Variants in OR7C1 observed in about 807,000 individuals in gnomAD.
OR7C1 encodes olfactory receptor 7C1.
For synonymous variants in OR7C1, 152 were observed against 160.7 expected (o/e 0.95, Z 0.41); for missense variants, 324 against 383.3 (o/e 0.85, Z 1.29).
chr19:14,819,793 T>A (rs1192307246), intron 1 of OR7C1, among the ~76,000 whole-genome samples: 1 of 152,266 alleles, frequency 6.6e-6, no homozygotes, highest in Non-Finnish European at 1.5e-5. Context: ...AGTATATTTT[T>A]ATATTCTTTC....
chr19:14,830,973 A>G (rs550594264), intron 1 of OR7C1, among the ~76,000 whole-genome samples: 1 of 152,292 alleles, frequency 6.6e-6, no homozygotes, highest in Admixed American at 6.5e-5. Flanking sequence ...TCGCAGCACA[A>G]GCACTATCCT....
intron 1 of OR7C1, among the ~76,000 whole-genome samples, chr19:14,818,250 G>T (rs898293419): frequency 6.6e-6 from 1 of 151,756 alleles, no homozygotes; most frequent in South Asian, 2.1e-4. Context: ...CCGCCACTAC[G>T]CCCGGCTAAT....
chr19:14,810,567 A>G (rs1427943541), intron 1 of OR7C1, among the ~76,000 whole-genome samples: 1 of 137,928 alleles, frequency 7.3e-6, no homozygotes, highest in East Asian at 2.1e-4. Flanking sequence ...TTTTTTTTAT[A>G]GTGGAGATAG....
chr19:14,817,922 G>T (rs1599919419), intron 1 of OR7C1, among the ~76,000 whole-genome samples: 1 of 152,090 alleles, frequency 6.6e-6, no homozygotes, highest in East Asian at 1.9e-4. Context: ...AGGATATGCA[G>T]CAAAGTGAGG....
rs561441007 is a variant in OR7C1, at chr19:14,808,277, C to A, written c.-435+1529G>T. Among the ~76,000 whole-genome samples the A allele has an allele frequency of 4.0e-5, 6 of 151,824 alleles. No individual in the cohort carries two copies. The East Asian group carries it at 9.7e-4, about 24-fold the overall frequency. ...AGCAATCCCACTAGTGGGTATATACCCCAAAGAAAAGAAATCATTACACAA... is the reference window on the plus strand; with the variant it reads ...AGCAATCCCACTAGTGGGTATATACACCAAAGAAAAGAAATCATTACACAA... On this transcript the variant is annotated intron_variant, in intron 2 of 4. Transcript: ENST00000641666.
intron 2 of OR7C1, among the ~76,000 whole-genome samples, chr19:14,808,914 G>C (rs1437234530): frequency 6.6e-6 from 1 of 151,958 alleles, no homozygotes; most frequent in East Asian, 1.9e-4. Context: ...GATTACTTCT[G>C]TAATTATGCA....
chr19:14,813,999 A>G (rs542623476), intron 1 of OR7C1, among the ~76,000 whole-genome samples: 1 of 152,220 alleles, frequency 6.6e-6, no homozygotes, highest in Admixed American at 6.5e-5. Flanking sequence ...ATTGGATCCT[A>G]TTTCACACCA....
chr19:14,818,850 T>A (rs1351557174), intron 1 of OR7C1, among the ~76,000 whole-genome samples: 1 of 152,234 alleles, frequency 6.6e-6, no homozygotes, highest in Non-Finnish European at 1.5e-5. Context: ...GCTTTCTACA[T>A]ATTTCATCGC....
intron 1 of OR7C1, chr19:14,824,742 A>T (rs527779590): frequency 6.6e-6 from 1 of 152,220 alleles, no homozygotes; most frequent in Non-Finnish European, 1.5e-5. Context: ...TATATACTCA[A>T]TAATGGGATT....
At chr19:14,819,944 T>C (rs888533591) in intron 1 of OR7C1, among the ~76,000 whole-genome samples, 6 of 152,264 alleles carry the variant, frequency 3.9e-5, no homozygotes, top group African/African-American at 1.4e-4. Context: ...TCTCGCTCTG[T>C]CACCCAGCCT....
intron 2 of OR7C1, among the ~76,000 whole-genome samples, chr19:14,806,773 C>T (rs1480163838): frequency 6.6e-6 from 1 of 151,924 alleles, no homozygotes. Flanking sequence ...TTTTGTTTAT[C>T]CAGTCTATCA....
intron 1 of OR7C1, among the ~76,000 whole-genome samples, chr19:14,820,907 C>T (rs2044738073): frequency 6.6e-6 from 1 of 152,130 alleles, no homozygotes; most frequent in Admixed American, 6.6e-5. Flanking sequence ...AAGAACAGAT[C>T]CCACAAGGAA....
Position 14,834,804 on chromosome 19 carries a change from A to C in OR7C1, c.-623+270T>G, listed in dbSNP as rs2044869020. On this transcript the variant is annotated intron_variant, in intron 1 of 4. Coordinates refer to ENST00000641666, the Ensembl canonical transcript of OR7C1. ...TGTACTTTTACAAAAATCATTTTAC[A>C]CCTCCTATTCCTTCTAATTGGGCTT... Among the ~76,000 whole-genome samples, 4 of 152,246 alleles carry C rather than the reference A, an allele frequency of 2.6e-5. No individual in the cohort carries two copies. In the South Asian group the frequency reaches 8.3e-4, roughly 32 times the overall value.
At chr19:14,800,172 A>C in intron 4 of OR7C1, 23 bp from the exon 5 acceptor site, 1 of 1,511,148 alleles carries the variant, frequency 6.6e-7, no homozygotes, top group Non-Finnish European at 8.8e-7. Context: ...AGAAAAAAGC[A>C]ACAGTCAATT....
chr19:14,800,176 G>C (rs1342285669), intron 4 of OR7C1, 27 bp from the exon 5 acceptor site: 1 of 1,509,664 alleles, frequency 6.6e-7, no homozygotes. Flanking sequence ...AAAAGCAACA[G>C]TCAATTATCA....
At chr19:14,799,609 G>C in exon 5 of OR7C1, 1 of 1,614,088 alleles carries the variant, frequency 6.2e-7, no homozygotes, top group Non-Finnish European at 8.5e-7. Flanking sequence ...CACAAAAAAA[G>C]TGTGGAATTT....
intron 1 of OR7C1, among the ~76,000 whole-genome samples, chr19:14,810,633 C>T (rs1411424783): frequency 6.6e-6 from 1 of 151,522 alleles, no homozygotes; most frequent in Non-Finnish European, 1.5e-5. Context: ...GATCCGCCCG[C>T]CTCAGCCTCC....
intron 1 of OR7C1, among the ~76,000 whole-genome samples, chr19:14,810,627 C>T (rs1014398952): frequency 2.0e-5 from 3 of 151,274 alleles, no homozygotes; most frequent in Non-Finnish European, 2.9e-5. Flanking sequence ...CCTCATGATC[C>T]GCCCGCCTCA....
At chr19:14,808,322 G>A (rs531573151) in intron 2 of OR7C1, among the ~76,000 whole-genome samples, 13 of 151,968 alleles carry the variant, frequency 8.6e-5, no homozygotes, top group South Asian at 8.3e-4. Context: ...GAACTAATAC[G>A]TTTATCACAG....
Sources: gnomAD v4.1 joint callset for allele counts (sites outside exome capture counted in the v4.1 genomes callset) on GRCh38, gnomAD v4.1.1 for gene constraint, MANE v1.5 for transcripts, NCBI Gene and HGNC (gene_info 2026-07-23, HGNC 2026-07-21) for gene names.